Variants in ANKRD44 observed in about 807,000 individuals in gnomAD.
ANKRD44 encodes ankyrin repeat domain 44.
ANKRD44 carries 35 observed loss-of-function variants against 116.0 expected under a neutral mutation model. That is an observed-to-expected ratio of 0.30 (90% CI 0.23 to 0.40). The LOEUF is 0.40. Among genes scored for constraint, ANKRD44 ranks in the 10% least tolerant of loss-of-function variants. The pLI, the probability that ANKRD44 is intolerant of heterozygous loss-of-function variation, is 1.00. For missense variants in ANKRD44, 1,014 were observed against 1,242.6 expected (o/e 0.82, Z 2.77); for synonymous variants, 435 against 461.8 (o/e 0.94, Z 0.74).
At chr2:197,089,580 T>G (rs1490481473) in intron 11 of ANKRD44, among the ~76,000 whole-genome samples, 2 of 152,190 alleles carry the variant, frequency 1.3e-5, no homozygotes, top group African/African-American at 4.8e-5. Flanking sequence ...ATTTGGCCTT[T>G]TTCCTTTGTT....
chr2:197,178,292 G>A (rs945149625), intron 2 of ANKRD44, among the ~76,000 whole-genome samples: 3 of 151,022 alleles, frequency 2.0e-5, no homozygotes, highest in African/African-American at 7.3e-5. Flanking sequence ...GCAACACAGC[G>A]AGAACTTGTC....
chr2:197,076,751 C>CTCCCCCTTAT (rs1181337991), intron 16 of ANKRD44, among the ~76,000 whole-genome samples: 2 of 152,128 alleles, frequency 1.3e-5, no homozygotes, highest in Non-Finnish European at 2.9e-5. Context: ...TGAGAACATG[C>CTCCCCCTTAT]AGTATTTGGT....
At chr2:197,118,637 G>GAGAGAAAGAAAGAAAGAAAGAAAGAA (rs773839262) in intron 8 of ANKRD44, among the ~76,000 whole-genome samples, 2 of 112,436 alleles carry the variant, frequency 1.8e-5, no homozygotes, top group Middle Eastern at 4.9e-3. Context: ...GAGAGAGAGA[G>GAGAGAAAGAAAGAAAGAAAGAAAGAA]AGAAAGAAAG....
chr2:197,118,821 T>C (rs1370221947), intron 8 of ANKRD44, among the ~76,000 whole-genome samples: 4 of 152,228 alleles, frequency 2.6e-5, no homozygotes, highest in Non-Finnish European at 5.9e-5. Context: ...CATATTTCTT[T>C]ATTGCATTTC....
At chr2:197,069,416 T>G (rs971013857) in intron 16 of ANKRD44, among the ~76,000 whole-genome samples, 1 of 152,324 alleles carries the variant, frequency 6.6e-6, no homozygotes, top group Admixed American at 6.5e-5. Context: ...ACCTGCACGT[T>G]GTGCACATGT....
chr2:197,138,603 C>T (rs1057028060), intron 3 of ANKRD44, among the ~76,000 whole-genome samples: 2 of 152,218 alleles, frequency 1.3e-5, no homozygotes, highest in Non-Finnish European at 2.9e-5. Flanking sequence ...GATCTTCCAA[C>T]ACTCTGGATT....
intron 15 of ANKRD44, among the ~76,000 whole-genome samples, chr2:197,079,776 T>C (rs1559045661): frequency 1.3e-5 from 2 of 151,644 alleles, no homozygotes; most frequent in African/African-American, 4.9e-5. Flanking sequence ...GACCTTCCAA[T>C]AGAAAATTTC....
intron 2 of ANKRD44, among the ~76,000 whole-genome samples, chr2:197,158,312 G>A (rs551401452): frequency 1.3e-5 from 2 of 152,240 alleles, no homozygotes; most frequent in South Asian, 2.1e-4. Flanking sequence ...TTTCCATTCC[G>A]TTCTTGAACA....
rs1486570537 is a variant in ANKRD44 at position 197,201,598 on chromosome 2, T to A, written c.28-14492A>T. Among the ~76,000 whole-genome samples, 1 of 152,248 alleles carries A rather than the reference T, an allele frequency of 6.6e-6. No homozygotes were observed. Among genetic ancestry groups the A allele is most frequent in the Admixed American group, 6.5e-5 (1 of 15,292 alleles). On this transcript the variant is annotated intron_variant, in intron 1 of 27. Coordinates refer to ENST00000282272, the MANE Select transcript of ANKRD44 (RefSeq NM_001195144.2). This position sits in a 1 kb window ranked among gnomAD's most constrained non-coding sequence, Gnocchi z 4.0. ...AGACCCTGTTAGTGTCGTCGCATGT[T>A]AAATCTAGATTTGGGAATCTGCACT...
rs2075785197 is a variant in ANKRD44 at position 196,979,554 on chromosome 2, C to CCTTTTTTTTTTTTTT, written c.2369-12109_2369-12108insAAAAAAAAAAAAAAG. Among the ~76,000 whole-genome samples, 130 of 59,650 alleles carry CCTTTTTTTTTTTTTT rather than the reference C, an allele frequency of 2.2e-3. 2 individuals carry two copies. Among genetic ancestry groups the CCTTTTTTTTTTTTTT allele is most frequent in the African/African-American group, 7.9e-3 (124 of 15,672 alleles). The allele number at this position is 59,650 out of a possible 152,430, so 39.1% of individuals were successfully genotyped here. A position where few individuals can be genotyped will look rare whatever the true frequency, so the allele number is the denominator to read the frequency against. ...CAGCCTGAGTAATTTAATAAGATGA[C>CCTTTTTTTTTTTTTT]TTTTTTTTTTTTTTTTTTTTTTTTT... On this transcript the variant is annotated intron_variant, in intron 21 of 21. Coordinates refer to the ANKRD44 transcript ENST00000424317.
At chr2:197,004,529 G>A (rs1045786787) in intron 21 of ANKRD44, among the ~76,000 whole-genome samples, 4 of 151,968 alleles carry the variant, frequency 2.6e-5, no homozygotes, top group African/African-American at 9.7e-5. Flanking sequence ...AAATAGCCAG[G>A]GTACTATTAG....
intron 1 of ANKRD44, among the ~76,000 whole-genome samples, chr2:197,191,228 C>A (rs1267037479): frequency 1.3e-5 from 2 of 152,172 alleles, no homozygotes; most frequent in African/African-American, 4.8e-5. Flanking sequence ...ACCAAAAGCA[C>A]AAGTGGGATT....
At chr2:196,997,047 G>A (rs1007481857) in intron 25 of ANKRD44, among the ~76,000 whole-genome samples, 1 of 151,716 alleles carries the variant, frequency 6.6e-6, no homozygotes, top group Non-Finnish European at 1.5e-5. Flanking sequence ...TCCCAAATTC[G>A]AAAATCTGAA....
At position 197,088,927 on chromosome 2, in the gene ANKRD44, C is replaced by T. The variant is rs977925307; in HGVS notation, c.1184-153G>A. The T allele has an allele frequency of 7.0e-5, 46 of 661,772 alleles. No individual in the cohort carries two copies. In the East Asian group the frequency reaches 1.3e-3, roughly 19 times the overall value. The allele number at this position is 661,772 out of a possible 1,614,324, so 41.0% of individuals were successfully genotyped here. ...AGTCAGAAAGAGGTTGTCATGGAAA[C>T]GAATGGGAACTGCTCAAGCTTGGCA... On this transcript the variant is annotated intron_variant, in intron 11 of 27. Transcript: ENST00000282272.
chr2:197,096,197 T>C (rs2078156838), intron 10 of ANKRD44, among the ~76,000 whole-genome samples: 1 of 152,172 alleles, frequency 6.6e-6, no homozygotes, highest in African/African-American at 2.4e-5. Context: ...ATTGCTTGTT[T>C]AAATCTTGCT....
intron 2 of ANKRD44, among the ~76,000 whole-genome samples, chr2:197,162,363 G>A (rs2697251): frequency 0.93 from 141,237 of 152,266 alleles, 66,387 homozygotes; most frequent in East Asian, 1. Flanking sequence ...CTTATGAACC[G>A]TTTTATTTCT....
intron 1 of ANKRD44, among the ~76,000 whole-genome samples, chr2:197,191,102 T>G (rs1258457065): frequency 6.6e-6 from 1 of 152,224 alleles, no homozygotes; most frequent in Non-Finnish European, 1.5e-5. Flanking sequence ...TAGCTTCAAT[T>G]GCTAGAATTT....
chr2:197,125,589 T>C, intron 5 of ANKRD44, 121 bp from the exon 6 acceptor site: 2 of 1,012,914 alleles, frequency 2.0e-6, no homozygotes, highest in South Asian at 2.7e-5. Context: ...AGATCTGGAG[T>C]TCTGACAAAG....
chr2:197,231,441 A>C (rs2081860202), intron 1 of ANKRD44, among the ~76,000 whole-genome samples: 1 of 151,988 alleles, frequency 6.6e-6, no homozygotes, highest in Non-Finnish European at 1.5e-5. Flanking sequence ...TAAAAAAAAA[A>C]ATTGAGCTAA....
Sources: allele counts gnomAD v4.1 joint callset (sites outside exome capture counted in the v4.1 genomes callset), GRCh38; gene constraint gnomAD v4.1.1; non-coding constraint Gnocchi (gnomAD v3.1); transcripts MANE v1.5; gene names NCBI Gene and HGNC (gene_info 2026-07-23, HGNC 2026-07-21).